CIITA: variants seen among roughly 807,000 people sequenced by gnomAD.
CIITA encodes class II major histocompatibility complex transactivator, also known as MHC class II transactivator.
A neutral mutation model predicts 115.1 loss-of-function variants in CIITA; 72 were observed. That is an observed-to-expected ratio of 0.63 (90% CI 0.52 to 0.76). The LOEUF (loss-of-function observed/expected upper bound fraction) is 0.76. CIITA is among the 30% of genes least tolerant of loss of function. The pLI is 0.00. For missense variants in CIITA, 1,617 were observed against 1,463.8 expected, an observed-to-expected ratio of 1.10 and a Z score of -1.71; for synonymous variants, 763 against 635.6, an observed-to-expected ratio of 1.20 and a Z score of -3.02.
chr16:10,884,188 C>G (rs2036702895), intron 1 of CIITA, among the ~76,000 whole-genome samples: 2 of 137,988 alleles, frequency 1.4e-5, no homozygotes, highest in South Asian at 2.4e-4. Context: ...AGCCCTTTGG[C>G]TAGGGATTGC....
chr16:10,941,684 T>A lies in CIITA; in HGVS notation n.810T>A, dbSNP rs2041104347. On this transcript the variant is annotated non_coding_transcript_exon_variant, in exon 2 of 2. Coordinates refer to the CIITA transcript ENST00000573379. This position sits in a 1 kb window ranked among gnomAD's most constrained non-coding sequence, Gnocchi z 6.4. ...GCTGGTCCAGGGCATGGGTTGCGGA[T>A]CGTGTAGGGAAGAGGGGAACAGCAG... The A allele has an allele frequency of 6.4e-7, 1 of 1,569,540 alleles. No individual in the cohort carries two copies. The highest frequency in any genetic ancestry group is 1.4e-5 in the African/African-American group (1 of 73,990).
rs1312922420 is a variant in CIITA at position 10,931,395 on chromosome 16, C to A, written c.*7540C>A. 6.6e-6 allele frequency: 1 copy of A among 152,264 alleles called. No homozygotes were observed. Among genetic ancestry groups the A allele is most frequent in the Non-Finnish European group, 1.5e-5 (1 of 68,084 alleles). The allele number at this position is 152,264 out of a possible 1,614,324, so 9.4% of individuals were successfully genotyped here. ...AAACCGCATCCCCGACAGTCCCAGCCAGGCGCTAGTCTGGCTGTAGCTGCC... is the reference window on the plus strand; with the variant it reads ...AAACCGCATCCCCGACAGTCCCAGCAAGGCGCTAGTCTGGCTGTAGCTGCC... On this transcript the variant is annotated 3_prime_UTR_variant, in exon 20 of 20. Transcript: ENST00000324288.
Position 10,901,948 on chromosome 16 carries a change from G to A in CIITA, c.482-90G>A, listed in dbSNP as rs2038800110. On this transcript the variant is annotated intron_variant, in intron 6 of 19. Transcript: ENST00000324288. The surrounding 1 kb of genome is among the most constrained non-coding windows in gnomAD (Gnocchi z 6.8). ...AAGATGACAAGCATTTCCTCTGTCA[G>A]GAGAGACATCCATGCCACTCCAGGG... is the stretch of plus-strand genomic sequence containing the variant. 1.9e-6 allele frequency: 3 copies of A among 1,539,332 alleles called. No homozygotes were observed. The highest frequency in any genetic ancestry group is 2.7e-6 in the Non-Finnish European group (3 of 1,119,880).
intron 16 of CIITA, among the ~76,000 whole-genome samples, chr16:10,919,689 A>G (rs1048231592): frequency 6.6e-6 from 1 of 152,056 alleles, no homozygotes; most frequent in Admixed American, 6.6e-5. Flanking sequence ...CAGCATGATC[A>G]CTGTTTTACA....
intron 16 of CIITA, among the ~76,000 whole-genome samples, chr16:10,921,628 C>T (rs1386584204): frequency 6.6e-6 from 1 of 152,240 alleles, no homozygotes; most frequent in Non-Finnish European, 1.5e-5. Context: ...CCCAAGGTCA[C>T]ATAGGCAGTA....
intron 5 of CIITA, 30 bp downstream of exon 5, chr16:10,899,032 G>C (rs773613351): frequency 6.2e-7 from 1 of 1,610,408 alleles, no homozygotes; most frequent in African/African-American, 1.3e-5. Context: ...ATCCAACCTA[G>C]CCTTGCTTGA....
At chr16:10,908,220 G>T in intron 11 of CIITA, 71 bp downstream of exon 11, 1 of 1,515,944 alleles carries the variant, frequency 6.6e-7, no homozygotes, top group Non-Finnish European at 9.0e-7. Flanking sequence ...GCCAAGCCCA[G>T]TGCTCTGTGG....
rs2036255469 is a variant in CIITA at position 10,879,990 on chromosome 16, C to A, written c.52+2608C>A. ...TGTCTAACTTTGGCAGGAAGTCTTC[C>A]GTTTCTGCTCCCCACTCCAGAGAAA... is the stretch of plus-strand genomic sequence containing the variant. On this transcript the variant is annotated intron_variant, in intron 1 of 19. Transcript: ENST00000324288. The surrounding 1 kb of genome is among the most constrained non-coding windows in gnomAD (Gnocchi z 4.3). Among the ~76,000 whole-genome samples, 1 of 152,206 alleles carries A rather than the reference C, an allele frequency of 6.6e-6. No homozygotes were observed. Among genetic ancestry groups the A allele is most frequent in the Non-Finnish European group, 1.5e-5 (1 of 68,026 alleles).
At position 10,898,937 on chromosome 16, in the gene CIITA, C is replaced by T. The variant is rs765896353; in HGVS notation, c.371C>T (p.Pro124Leu). 1 of 1,613,870 alleles carries T rather than the reference C, an allele frequency of 6.2e-7. No individual in the cohort carries two copies. The stretch of plus-strand genomic sequence containing the variant: ...TTTCTCAAAGTAGAGCACATAGGAC[C>T]AGATGAAGTGATCGGTGAGAGTATG... Reference protein sequence around the residue: ...LSKDIFKHIGPDEVIGESMEM... With the variant: ...LSKDIFKHIGLDEVIGESMEM... Residue 124 changes from proline (P) to leucine (L), a missense_variant, in exon 5 of 20, where the codon CCA becomes CTA. Coordinates refer to ENST00000324288, the MANE Select transcript of CIITA (RefSeq NM_000246.4).
intron 1 of CIITA, among the ~76,000 whole-genome samples, chr16:10,889,587 T>C (rs1237262323): frequency 6.6e-6 from 1 of 152,068 alleles, no homozygotes; most frequent in Non-Finnish European, 1.5e-5. Flanking sequence ...TGGCGCAGTC[T>C]TGGTTCACTG....
At chr16:10,876,181 A>G (rs2035828745), upstream of CIITA, among the ~76,000 whole-genome samples, 1 of 151,824 alleles carries the variant, frequency 6.6e-6, no homozygotes, top group Non-Finnish European at 1.5e-5. Flanking sequence ...CAAACAAAAA[A>G]AACCCCAACA....
Position 10,907,685 on chromosome 16 carries a change from G to T in CIITA, c.2193G>T (p.Lys731Asn), listed in dbSNP as rs1048976567. ...CTCTGAGTGGCGAAATCAAGGACAA[G>T]GAGCTCCCGCAGTACCTAGCATTGA... ...WLALSGEIKD[K>N]ELPQYLALTP... is the part of the protein sequence containing the mutation. The change falls in exon 11 of 20, where the codon AAG (lysine) becomes AAT (asparagine). Residue 731 changes from lysine (K) to asparagine (N), a missense_variant. By Grantham distance (94) the Lys-to-Asn change is moderately conservative. Coordinates refer to ENST00000324288, the MANE Select transcript of CIITA (RefSeq NM_000246.4). The surrounding 1 kb of genome is among the most constrained non-coding windows in gnomAD (Gnocchi z 5.0). The T allele has an allele frequency of 1.4e-5, 22 of 1,614,094 alleles. No homozygotes were observed. Among genetic ancestry groups the T allele is most frequent in the Non-Finnish European group, 3.4e-6 (4 of 1,180,042 alleles).
In CIITA at chr16:10,901,658, T is replaced by C; in HGVS notation, c.481+100T>C. 7.8e-7 allele frequency: 1 copy of C among 1,281,902 alleles called. No homozygotes were observed. Among genetic ancestry groups the C allele is most frequent in the Non-Finnish European group, 1.1e-6 (1 of 902,312 alleles). 79.4% of individuals were successfully genotyped at this position (1,281,902 alleles called of 1,614,324 possible). A position where few individuals can be genotyped will look rare whatever the true frequency, so the allele number is the denominator to read the frequency against. Reference sequence around the variant, plus strand: ...GCCCAAGTCTGATGGGGATGGTGCATGGTGCAGCCCCTGCCCTTCTTTGGG... The same window carrying C: ...GCCCAAGTCTGATGGGGATGGTGCACGGTGCAGCCCCTGCCCTTCTTTGGG... On this transcript the variant is annotated intron_variant, in intron 6 of 19. Coordinates refer to ENST00000324288, the MANE Select transcript of CIITA (RefSeq NM_000246.4). The surrounding 1 kb of genome is among the most constrained non-coding windows in gnomAD (Gnocchi z 6.8).
chr16:10,870,821 T>C (rs562339736), intron 1 of CIITA, among the ~76,000 whole-genome samples: 9 of 152,296 alleles, frequency 5.9e-5, no homozygotes, highest in Non-Finnish European at 1.2e-4. Flanking sequence ...GGTCGCACTG[T>C]ATAAATATCA....
chr16:10,885,692 G>A (rs1045398264), intron 1 of CIITA, among the ~76,000 whole-genome samples: 1 of 152,096 alleles, frequency 6.6e-6, no homozygotes, highest in East Asian at 1.9e-4. Flanking sequence ...TCTTCCCCAG[G>A]ACCCTGGGCT....
Position 10,923,093 on chromosome 16 carries a change from G to T in CIITA, c.3318-135G>T. ...CTCCTTTTCCCCATGACCCACACCG[G>T]TCGGTATCTTGCCAGGGGAAAAGTC... is the stretch of plus-strand genomic sequence containing the variant. On this transcript the variant is annotated intron_variant, in intron 18 of 19. Coordinates refer to ENST00000324288, the MANE Select transcript of CIITA (RefSeq NM_000246.4). This position sits in a 1 kb window ranked among gnomAD's most constrained non-coding sequence, Gnocchi z 5.2. 1.3e-6 allele frequency: 1 copy of T among 777,518 alleles called. No homozygotes were observed. Among genetic ancestry groups the T allele is most frequent in the Non-Finnish European group, 2.3e-6 (1 of 439,102 alleles). 48.2% of individuals were successfully genotyped at this position (777,518 alleles called of 1,614,324 possible). A position where few individuals can be genotyped will look rare whatever the true frequency, so the allele number is the denominator to read the frequency against.
At chr16:10,874,767 A>G (rs2035714315), upstream of CIITA, among the ~76,000 whole-genome samples, 1 of 152,040 alleles carries the variant, frequency 6.6e-6, no homozygotes, top group Admixed American at 6.6e-5. Flanking sequence ...CAGGTGAGAG[A>G]TGGTAGTCCT....
At chr16:10,877,151 G>A (rs1274098486), upstream of CIITA, 4 of 674,692 alleles carry the variant, frequency 5.9e-6, no homozygotes, top group Non-Finnish European at 1.1e-5. Context: ...TCCCTCACTT[G>A]TTTCTTTGCA....
At chr16:10,939,511 A>G (rs1393099643), downstream of CIITA, 1 of 152,142 alleles carries the variant, frequency 6.6e-6, no homozygotes, top group Non-Finnish European at 1.5e-5. This position sits in a 1 kb window ranked among gnomAD's most constrained non-coding sequence, Gnocchi z 4.9. Flanking sequence ...TTGCGGAAAA[A>G]CCAACTCTCT....
Sources: gnomAD v4.1 joint callset for allele counts (sites outside exome capture counted in the v4.1 genomes callset) on GRCh38, gnomAD v4.1.1 for gene constraint, Gnocchi (gnomAD v3.1) non-coding constraint, MANE v1.5 for transcripts, NCBI Gene and HGNC (gene_info 2026-07-23, HGNC 2026-07-21) for gene names.